ANKRD46: variants seen among roughly 807,000 people sequenced by gnomAD.
ANKRD46 encodes the protein ankyrin repeat domain 46.
Under a neutral mutation model 19.8 loss-of-function variants are expected in ANKRD46, and 13 were observed. That is an observed-to-expected ratio of 0.66 (90% CI 0.43 to 1.04). ANKRD46 has a LOEUF of 1.04. Among genes scored for constraint, ANKRD46 ranks in the 50% least tolerant of loss-of-function variants. The probability of loss-of-function intolerance (pLI) is 0.00; values close to 1 mark genes in which losing one functional copy is unlikely to be tolerated. For missense variants in ANKRD46, 185 were observed against 274.8 expected, an observed-to-expected ratio of 0.67 and a Z score of 2.31; for synonymous variants, 91 against 106.9, an observed-to-expected ratio of 0.85 and a Z score of 0.92.
chr8:100,518,860 A>AG (rs1337164194), downstream of ANKRD46, among the ~76,000 whole-genome samples: 1 of 126,786 alleles, frequency 7.9e-6, no homozygotes, highest in African/African-American at 2.9e-5. Context: ...TCAAAAAAAA[A>AG]AAATAAATAA....
In ANKRD46 at chr8:100,537,376, A is replaced by G. The variant is rs1408832534; in HGVS notation, c.-130-4065T>C. Among the ~76,000 whole-genome samples the G allele has an allele frequency of 6.6e-6, 1 of 152,236 alleles. No homozygotes were observed. The highest frequency in any genetic ancestry group is 1.5e-5 in the Non-Finnish European group (1 of 68,046). On this transcript the variant is annotated intron_variant, in intron 1 of 4. Transcript: ENST00000335659. The surrounding 1 kb of genome is among the most constrained non-coding windows in gnomAD (Gnocchi z 4.2). Reference sequence around the variant, plus strand: ...AGACATTTCAACAAAATGCAAGGAAAAAACGACATAGCTGGAAAGATATTC... The same window carrying G: ...AGACATTTCAACAAAATGCAAGGAAGAAACGACATAGCTGGAAAGATATTC...
intron 1 of ANKRD46, among the ~76,000 whole-genome samples, chr8:100,539,070 C>A (rs955209291): frequency 3.3e-5 from 5 of 152,184 alleles, no homozygotes; most frequent in Non-Finnish European, 4.4e-5. Flanking sequence ...CAGTCTCTGA[C>A]CGGTGAATAG....
Position 100,522,483 on chromosome 8 carries a change from T to C in ANKRD46, c.*72A>G. ...CTCACTGCTTTGCGCTAAGAAAAAT[T>C]CTGAGAAACTGAGAACAAACATTGG... is the stretch of plus-strand genomic sequence containing the variant. On this transcript the variant is annotated 3_prime_UTR_variant, in exon 5 of 5. Transcript: ENST00000335659. 1 of 1,575,154 alleles carries C rather than the reference T, an allele frequency of 6.3e-7. No individual in the cohort carries two copies.
chr8:100,548,654 G>T (rs1812319611), intron 1 of ANKRD46, among the ~76,000 whole-genome samples: 1 of 152,140 alleles, frequency 6.6e-6, no homozygotes, highest in African/African-American at 2.4e-5. Context: ...TGAATGGATG[G>T]TCCAAACGTA....
chr8:100,526,313 A>G (rs1052046631), intron 4 of ANKRD46, among the ~76,000 whole-genome samples: 2 of 152,218 alleles, frequency 1.3e-5, no homozygotes, highest in African/African-American at 4.8e-5. Context: ...GGCTATTAAC[A>G]AAATAAAGAT....
chr8:100,552,990 T>C (rs987363320), intron 1 of ANKRD46, among the ~76,000 whole-genome samples: 3 of 152,198 alleles, frequency 2.0e-5, no homozygotes, highest in Admixed American at 1.3e-4. Flanking sequence ...TTGTGGCACA[T>C]GTTTCAGCAA....
In ANKRD46 at chr8:100,544,968, C is replaced by T. The variant is rs1413241629; in HGVS notation, c.-130-11657G>A. ...TTGTACACTGGCACATGAGTATGTA[C>T]ATAGGGCAGATCAACAGTCCCAAAT... On this transcript the variant is annotated intron_variant, in intron 1 of 4. Transcript: ENST00000335659. This position sits in a 1 kb window ranked among gnomAD's most constrained non-coding sequence, Gnocchi z 4.4. 2.0e-5 allele frequency among the ~76,000 whole-genome samples: 3 copies of T among 152,030 alleles called. No individual in the cohort carries two copies. The highest frequency in any genetic ancestry group is 7.2e-5 in the African/African-American group (3 of 41,392).
intron 1 of ANKRD46, among the ~76,000 whole-genome samples, chr8:100,542,116 A>G (rs1812186608): frequency 6.6e-6 from 1 of 152,208 alleles, no homozygotes; most frequent in African/African-American, 2.4e-5. Flanking sequence ...TCCCTACACT[A>G]TAAAACCCTG....
chr8:100,518,715 G>A (rs1487638339), downstream of ANKRD46, among the ~76,000 whole-genome samples: 2 of 152,058 alleles, frequency 1.3e-5, no homozygotes, highest in East Asian at 1.9e-4. Context: ...AGCTGGGCGT[G>A]GTGGCACGCC....
chr8:100,552,637 C>G lies in ANKRD46; in HGVS notation c.-131+7074G>C, dbSNP rs149305416. Among the ~76,000 whole-genome samples, 952 of 152,262 alleles carry G rather than the reference C, an allele frequency of 6.3e-3. 2 individuals carry two copies. Among genetic ancestry groups the G allele is most frequent in the Non-Finnish European group, 0.01 (697 of 68,016 alleles). ...CTATTGTGGTTTATTTAAAGGTGAG[C>G]AAGTGACCAGTCCAATAAAACTCTT... is the stretch of plus-strand genomic sequence containing the variant. On this transcript the variant is annotated intron_variant, in intron 1 of 4. Transcript: ENST00000335659.
intron 1 of ANKRD46, among the ~76,000 whole-genome samples, chr8:100,540,300 C>A (rs987647158): frequency 6.6e-6 from 1 of 152,114 alleles, no homozygotes. Context: ...GTCTAGCATA[C>A]ACATTCCATA....
intron 1 of ANKRD46, among the ~76,000 whole-genome samples, chr8:100,553,754 C>A (rs1812441110): frequency 6.6e-6 from 1 of 151,888 alleles, no homozygotes; most frequent in Non-Finnish European, 1.5e-5. Context: ...ATCTCAAAAA[C>A]AAACAAACAA....
intron 1 of ANKRD46, among the ~76,000 whole-genome samples, chr8:100,542,520 T>C (rs1279606166): frequency 3.3e-5 from 5 of 152,030 alleles, no homozygotes; most frequent in African/African-American, 2.4e-5. Flanking sequence ...AGGGAATAAA[T>C]AGTCTTATAT....
At chr8:100,554,274 A>G (rs1250689362) in intron 1 of ANKRD46, among the ~76,000 whole-genome samples, 1 of 152,212 alleles carries the variant, frequency 6.6e-6, no homozygotes, top group Non-Finnish European at 1.5e-5. Flanking sequence ...AGTGCTAACA[A>G]TCCTTGTGAA....
downstream of ANKRD46, among the ~76,000 whole-genome samples, chr8:100,515,874 G>GTT (rs371133127): frequency 5.0e-5 from 7 of 139,784 alleles, no homozygotes; most frequent in East Asian, 2.0e-4. Flanking sequence ...ACTTGTTTTT[G>GTT]TTTTTTTTTT....
chr8:100,515,808 C>A (rs1232446756), downstream of ANKRD46, among the ~76,000 whole-genome samples: 2 of 152,066 alleles, frequency 1.3e-5, no homozygotes, highest in African/African-American at 4.8e-5. Flanking sequence ...CTCCCCAACC[C>A]TCTCCACTCC....
intron 1 of ANKRD46, among the ~76,000 whole-genome samples, chr8:100,553,434 C>T (rs1563493720): frequency 6.6e-6 from 1 of 152,228 alleles, no homozygotes; most frequent in South Asian, 2.1e-4. Context: ...CAAAGTCACA[C>T]TCAGAATATT....
intron 1 of ANKRD46, among the ~76,000 whole-genome samples, chr8:100,558,332 C>G (rs998561471): frequency 2.6e-5 from 4 of 152,122 alleles, no homozygotes; most frequent in Non-Finnish European, 4.4e-5. Context: ...TTACTATCAT[C>G]AAAAAATCTT....
rs767198096 is a variant in ANKRD46 at position 100,544,960 on chromosome 8, A to T, written c.-130-11649T>A. On this transcript the variant is annotated intron_variant, in intron 1 of 4. Transcript: ENST00000335659. The surrounding 1 kb of genome is among the most constrained non-coding windows in gnomAD (Gnocchi z 4.4). ...TAACAGTATTGTACACTGGCACATG[A>T]GTATGTACATAGGGCAGATCAACAG... Among the ~76,000 whole-genome samples the T allele has an allele frequency of 6.8e-4, 104 of 152,132 alleles. No individual in the cohort carries two copies. The highest frequency in any genetic ancestry group is 2.1e-4 in the Non-Finnish European group (14 of 68,028).
Sources: gnomAD v4.1 joint callset for allele counts (sites outside exome capture counted in the v4.1 genomes callset) on GRCh38, gnomAD v4.1.1 for gene constraint, Gnocchi (gnomAD v3.1) non-coding constraint, MANE v1.5 for transcripts, NCBI Gene and HGNC (gene_info 2026-07-23, HGNC 2026-07-21) for gene names.